NKAIN3: variants seen among roughly 807,000 people sequenced by gnomAD.
NKAIN3 encodes the protein sodium/potassium transporting ATPase interacting 3, also known as sodium/potassium-transporting ATPase subunit beta-1-interacting protein 3.
In NKAIN3, 25 loss-of-function variants were observed where a neutral mutation model predicts 30.2. The observed-to-expected ratio is 0.83, with a 90% CI of 0.60 to 1.16. NKAIN3 has a LOEUF of 1.16. Ranked by LOEUF, NKAIN3 falls within the 50% of genes most tolerant of loss-of-function variation. NKAIN3 has a pLI of 0.00. For missense variants in NKAIN3, 225 were observed against 254.1 expected, an observed-to-expected ratio of 0.89 and a Z score of 0.78; for synonymous variants, 91 against 89.6, an observed-to-expected ratio of 1.02 and a Z score of -0.09.
chr8:62,528,114 G>A (rs966595224), intron 1 of NKAIN3, among the ~76,000 whole-genome samples: 2 of 150,508 alleles, frequency 1.3e-5, no homozygotes, highest in Non-Finnish European at 3.0e-5. Flanking sequence ...CAGTTCAGGC[G>A]GTGATGAGGC....
intron 1 of NKAIN3, among the ~76,000 whole-genome samples, chr8:62,491,480 A>G (rs1446994993): frequency 2.0e-5 from 3 of 152,176 alleles, no homozygotes; most frequent in Non-Finnish European, 4.4e-5. Context: ...TGGTCTTTTG[A>G]AAGACTTTGC....
At chr8:62,591,830 G>A (rs764591257) in intron 3 of NKAIN3, among the ~76,000 whole-genome samples, 1 of 151,932 alleles carries the variant, frequency 6.6e-6, no homozygotes, top group Non-Finnish European at 1.5e-5. Flanking sequence ...TCCAGTCTAT[G>A]GGAAATCTAT....
intron 1 of NKAIN3, among the ~76,000 whole-genome samples, chr8:62,529,855 C>T (rs908401219): frequency 6.6e-6 from 1 of 152,130 alleles, no homozygotes; most frequent in Non-Finnish European, 1.5e-5. Flanking sequence ...TCAGAGGTGT[C>T]AAGCTGAGCT....
At chr8:62,957,979 AAT>A in intron 6 of NKAIN3, among the ~76,000 whole-genome samples, 1 of 152,130 alleles carries the variant, frequency 6.6e-6, no homozygotes, top group Non-Finnish European at 1.5e-5. Flanking sequence ...GCATTTGGGA[AAT>A]CTCTGTACCT....
intron 1 of NKAIN3, among the ~76,000 whole-genome samples, chr8:62,302,117 T>A (rs1355883000): frequency 6.6e-6 from 1 of 152,128 alleles, no homozygotes. Context: ...TCCTTACATG[T>A]TCAGAATTCT....
chr8:62,820,315 A>G (rs1280760527), intron 4 of NKAIN3, among the ~76,000 whole-genome samples: 1 of 152,164 alleles, frequency 6.6e-6, no homozygotes, highest in Non-Finnish European at 1.5e-5. Flanking sequence ...AACAATAGAC[A>G]ATGAGGGCTA....
At chr8:62,346,254 A>G (rs535156886) in intron 1 of NKAIN3, among the ~76,000 whole-genome samples, 1 of 152,252 alleles carries the variant, frequency 6.6e-6, no homozygotes, top group African/African-American at 2.4e-5. Flanking sequence ...ATAAATGTTT[A>G]AAGTGATCGA....
At chr8:62,733,653 C>G (rs1266181391) in intron 3 of NKAIN3, among the ~76,000 whole-genome samples, 1 of 152,052 alleles carries the variant, frequency 6.6e-6, no homozygotes, top group Non-Finnish European at 1.5e-5. Context: ...GAAAATTCTT[C>G]AAGAACTTTT....
intron 1 of NKAIN3, among the ~76,000 whole-genome samples, chr8:62,425,220 A>G (rs765738569): frequency 2.3e-4 from 35 of 151,988 alleles, no homozygotes; most frequent in Non-Finnish European, 4.3e-4. Context: ...CATTGTGTCT[A>G]TAGTTAACAA....
intron 1 of NKAIN3, among the ~76,000 whole-genome samples, chr8:62,574,441 T>TTA (rs1810044061): frequency 6.6e-6 from 1 of 152,124 alleles, no homozygotes; most frequent in Non-Finnish European, 1.5e-5. Context: ...TAGCTCTATT[T>TTA]TTAGTTTTTT....
intron 1 of NKAIN3, among the ~76,000 whole-genome samples, chr8:62,400,604 A>G (rs1240766491): frequency 6.6e-6 from 1 of 152,024 alleles, no homozygotes; most frequent in Non-Finnish European, 1.5e-5. Flanking sequence ...TGTTCATGAA[A>G]TCCCTCAGCT....
chr8:62,740,180 G>A lies in NKAIN3; in HGVS notation c.274-6752G>A, dbSNP rs1002410043. 1.3e-4 allele frequency among the ~76,000 whole-genome samples: 20 copies of A among 152,012 alleles called. 1 individual carries two copies. The highest frequency in any genetic ancestry group is 1.0e-3 in the Admixed American group (16 of 15,250). On this transcript the variant is annotated intron_variant, in intron 3 of 6. Transcript: ENST00000623646. ...AAAAAGAAAACAATTAGAAAAATAA[G>A]ACATTTGCCCTAACTATTCTAATTT...
At chr8:62,849,133 A>C (rs1290603852) in intron 4 of NKAIN3, among the ~76,000 whole-genome samples, 1 of 151,790 alleles carries the variant, frequency 6.6e-6, no homozygotes, top group African/African-American at 2.4e-5. Flanking sequence ...CTTTTTTGTC[A>C]TATCTCTGCC....
chr8:62,714,987 T>C (rs1814848020), intron 3 of NKAIN3, among the ~76,000 whole-genome samples: 2 of 152,194 alleles, frequency 1.3e-5, no homozygotes, highest in Non-Finnish European at 2.9e-5. Flanking sequence ...AGCTCACAGT[T>C]CTGCAGGCTG....
intron 3 of NKAIN3, among the ~76,000 whole-genome samples, chr8:62,704,394 T>C (rs1814448758): frequency 6.6e-6 from 1 of 152,182 alleles, no homozygotes; most frequent in African/African-American, 2.4e-5. Flanking sequence ...AGTCCTTTTT[T>C]CTAGAGAAGG....
At chr8:62,441,983 T>A (rs968136244) in intron 1 of NKAIN3, among the ~76,000 whole-genome samples, 8 of 152,082 alleles carry the variant, frequency 5.3e-5, no homozygotes, top group African/African-American at 1.7e-4. Flanking sequence ...GAAAATCATA[T>A]ACATTTGTCT....
intron 5 of NKAIN3, among the ~76,000 whole-genome samples, chr8:62,942,197 TAC>T (rs1296779885): frequency 1.4e-5 from 1 of 72,176 alleles, no homozygotes; most frequent in African/African-American, 8.9e-5. Context: ...CACATATATA[TAC>T]ACACATATAT....
chr8:62,579,256 A>T (rs1810215941), intron 1 of NKAIN3, among the ~76,000 whole-genome samples: 1 of 151,982 alleles, frequency 6.6e-6, no homozygotes. Context: ...ATCTGTCTGG[A>T]TTTTCTACTG....
chr8:62,348,758 C>T (rs2129591613), intron 1 of NKAIN3, among the ~76,000 whole-genome samples: 1 of 152,222 alleles, frequency 6.6e-6, no homozygotes, highest in Middle Eastern at 3.4e-3. Context: ...ACTGTTGAAA[C>T]CATTGGAGAT....
Sources: allele counts gnomAD v4.1 joint callset (sites outside exome capture counted in the v4.1 genomes callset), GRCh38; gene constraint gnomAD v4.1.1; transcripts MANE v1.5; gene names NCBI Gene and HGNC (gene_info 2026-07-23, HGNC 2026-07-21).